EPB41L3: variants seen among roughly 807,000 people sequenced by gnomAD.
EPB41L3 encodes band 4.1-like protein 3.
A neutral mutation model predicts 127.1 loss-of-function variants in EPB41L3; 57 were observed. The ratio of observed to expected loss-of-function variants is 0.45; its 90% CI spans 0.36 to 0.56. The LOEUF is 0.56. EPB41L3 is among the 20% of genes least tolerant of loss of function. The pLI, the probability that EPB41L3 is intolerant of heterozygous loss-of-function variation, is 0.00. For synonymous variants in EPB41L3, 572 were observed against 549.5 expected (o/e 1.04, Z -0.57); for missense variants, 1,273 against 1,372.2 (o/e 0.93, Z 1.14).
chr18:5,410,836 G>A lies in EPB41L3; in HGVS notation c.2068-217C>T, dbSNP rs558899755. 4.6e-5 allele frequency among the ~76,000 whole-genome samples: 7 copies of A among 152,282 alleles called. No individual in the cohort carries two copies. In the South Asian group the frequency reaches 1.5e-3, roughly 32 times the overall value. On this transcript the variant is annotated intron_variant, in intron 13 of 22. Transcript: ENST00000341928. ...ACAGAGCCAACTCATAGGAATACCTGAGGCACACTCAGCCTGCAGGAGCTG... is the reference window on the plus strand; with the variant it reads ...ACAGAGCCAACTCATAGGAATACCTAAGGCACACTCAGCCTGCAGGAGCTG...
chr18:5,469,513 C>T (rs552050087), intron 3 of EPB41L3, among the ~76,000 whole-genome samples: 10 of 152,280 alleles, frequency 6.6e-5, no homozygotes, highest in African/African-American at 2.2e-4. Context: ...GCTCATGCAC[C>T]GATCATCACT....
intron 1 of EPB41L3, among the ~76,000 whole-genome samples, chr18:5,500,170 G>C (rs1227230335): frequency 2.6e-5 from 4 of 152,118 alleles, no homozygotes; most frequent in Non-Finnish European, 5.9e-5. Context: ...GTCCAACCCT[G>C]TTTAAAATTT....
intron 16 of EPB41L3, chr18:5,400,862 TTAAACA>T: frequency 1.4e-6 from 1 of 720,274 alleles, no homozygotes; most frequent in Non-Finnish European, 2.3e-6. Context: ...TACCTTGGTT[TTAAACA>T]AGATAAATGT....
intron 1 of EPB41L3, among the ~76,000 whole-genome samples, chr18:5,496,717 C>T (rs1199551046): frequency 6.6e-6 from 1 of 152,240 alleles, no homozygotes; most frequent in Non-Finnish European, 1.5e-5. Flanking sequence ...CATGGCTGTA[C>T]ACACTGACAA....
chr18:5,499,713 G>T (rs2091550014), intron 1 of EPB41L3, among the ~76,000 whole-genome samples: 1 of 151,788 alleles, frequency 6.6e-6, no homozygotes, highest in Non-Finnish European at 1.5e-5. Flanking sequence ...CTTGCAGTGA[G>T]CCCAGATCGC....
chr18:5,541,892 T>A (rs1368088305), intron 1 of EPB41L3, among the ~76,000 whole-genome samples: 1 of 152,234 alleles, frequency 6.6e-6, no homozygotes, highest in African/African-American at 2.4e-5. Flanking sequence ...CATGTTCTGT[T>A]TTGAAAAACT....
At chr18:5,571,062 G>C (rs1445302048) in intron 3 of EPB41L3, 1 of 152,028 alleles carries the variant, frequency 6.6e-6, no homozygotes, top group African/African-American at 2.4e-5. Flanking sequence ...TTGAAATTTT[G>C]AAATGGGCTT....
chr18:5,563,558 C>G (rs2094160638), intron 3 of EPB41L3, among the ~76,000 whole-genome samples: 1 of 152,106 alleles, frequency 6.6e-6, no homozygotes, highest in African/African-American at 2.4e-5. Flanking sequence ...GAGGAAAAAA[C>G]TGACAGGACT....
At chr18:5,477,381 G>C (rs957386824) in intron 3 of EPB41L3, among the ~76,000 whole-genome samples, 8 of 152,080 alleles carry the variant, frequency 5.3e-5, no homozygotes, top group African/African-American at 1.7e-4. Context: ...AGGGGGAGAG[G>C]GGCTGGCTTG....
In EPB41L3 at chr18:5,419,844, C is replaced by A. The variant is rs761821278; in HGVS notation, c.1373G>T (p.Gly458Val). ...VGTGQYATTKGISQTNLITTV... is the reference protein window; with the variant it reads ...VGTGQYATTKVISQTNLITTV... ...GGTGATCAAGTTGGTCTGAGAGATG[C>A]CTTTTGTTGTGGCGTACTGGCCAGT... Residue 458 changes from glycine (G) to valine (V), a missense_variant, in exon 12 of 23, where the codon GGC (glycine) becomes GTC (valine). Transcript: ENST00000341928. 1.9e-6 allele frequency: 3 copies of A among 1,614,202 alleles called. No homozygotes were observed. The highest frequency in any genetic ancestry group is 2.5e-6 in the Non-Finnish European group (3 of 1,180,046).
At chr18:5,579,816 A>G (rs900175833) in intron 3 of EPB41L3, among the ~76,000 whole-genome samples, 3 of 152,174 alleles carry the variant, frequency 2.0e-5, no homozygotes, top group African/African-American at 4.8e-5. Context: ...ACTGTAACCA[A>G]TGTCTCTAGA....
chr18:5,428,424 A>G lies in EPB41L3; in HGVS notation c.954T>C (p.Ser318=). The change falls in exon 9 of 23, where the codon AGT becomes AGC. Residue 318 remains serine, a synonymous_variant. Transcript: ENST00000341928. ...GCCGGTCGCGATATATCAACAGACC[A>G]CTTGCACAAACTCCTAACATAATTT... ...GVEIMLGVCA[S]GLLIYRDRLR... is the part of the protein sequence containing the mutation. 6.2e-7 allele frequency: 1 copy of G among 1,614,236 alleles called. No individual in the cohort carries two copies. The highest frequency in any genetic ancestry group is 8.5e-7 in the Non-Finnish European group (1 of 1,180,038).
intron 3 of EPB41L3, among the ~76,000 whole-genome samples, chr18:5,566,771 T>G (rs937064425): frequency 6.8e-6 from 1 of 146,726 alleles, no homozygotes; most frequent in African/African-American, 2.5e-5. Context: ...TCTATTCTAT[T>G]CTATTCTATT....
At chr18:5,586,199 GT>G (rs2094440300) in intron 3 of EPB41L3, among the ~76,000 whole-genome samples, 1 of 152,046 alleles carries the variant, frequency 6.6e-6, no homozygotes, top group Non-Finnish European at 1.5e-5. Flanking sequence ...AGTAAAATTT[GT>G]TCCTTACTTC....
chr18:5,597,229 A>C (rs1055342757), intron 3 of EPB41L3, among the ~76,000 whole-genome samples: 4 of 152,088 alleles, frequency 2.6e-5, no homozygotes, highest in African/African-American at 9.7e-5. Flanking sequence ...TTTGCTCCTT[A>C]GTCATTCTGC....
chr18:5,443,979 G>C, intron 4 of EPB41L3, 99 bp from the exon 5 acceptor site: 1 of 1,017,358 alleles, frequency 9.8e-7, no homozygotes, highest in Non-Finnish European at 1.4e-6. Context: ...TGCGGAGTTA[G>C]TGGTCGTGGG....
chr18:5,574,720 T>C (rs146891043), intron 3 of EPB41L3, among the ~76,000 whole-genome samples: 429 of 152,316 alleles, frequency 2.8e-3, no homozygotes, highest in Middle Eastern at 6.8e-3. Context: ...ATATCACGTG[T>C]CATCACAGTT....
At chr18:5,514,304 A>G (rs1310624838) in intron 1 of EPB41L3, among the ~76,000 whole-genome samples, 1 of 152,206 alleles carries the variant, frequency 6.6e-6, no homozygotes, top group East Asian at 1.9e-4. Context: ...AAGTTCATAT[A>G]TGTTTTTATA....
At chr18:5,490,066 A>T (rs2090402534) in intron 1 of EPB41L3, among the ~76,000 whole-genome samples, 1 of 152,238 alleles carries the variant, frequency 6.6e-6, no homozygotes, top group African/African-American at 2.4e-5. Context: ...TGAACGTGAT[A>T]ATACCTAAAT....
Sources: allele counts gnomAD v4.1 joint callset (sites outside exome capture counted in the v4.1 genomes callset), GRCh38; gene constraint gnomAD v4.1.1; transcripts MANE v1.5; gene names NCBI Gene and HGNC (gene_info 2026-07-23, HGNC 2026-07-21).